Variants in ZRANB3 observed in about 807,000 individuals in gnomAD.
ZRANB3 encodes the protein zinc finger RANBP2-type containing 3.
A neutral mutation model predicts 133.8 loss-of-function variants in ZRANB3; 125 were observed. The observed-to-expected ratio is 0.93, with a 90% confidence interval of 0.81 to 1.08. The LOEUF is 1.08. ZRANB3 is among the 50% of genes least tolerant of loss of function. ZRANB3 has a pLI of 0.00. For synonymous variants in ZRANB3, 387 were observed against 432.7 expected (o/e 0.89, Z 1.31); for missense variants, 1,229 against 1,275.5 (o/e 0.96, Z 0.56).
chr2:135,447,675 T>C (rs530954603), intron 2 of ZRANB3, among the ~76,000 whole-genome samples: 2 of 152,334 alleles, frequency 1.3e-5, no homozygotes, highest in South Asian at 4.1e-4. Context: ...AAAAATCAGC[T>C]GCTAGGTCCA....
intron 12 of ZRANB3, among the ~76,000 whole-genome samples, chr2:135,248,986 G>A (rs1302452017): frequency 2.0e-5 from 3 of 152,166 alleles, no homozygotes; most frequent in African/African-American, 7.2e-5. Context: ...CGGCCAACAA[G>A]TATATGAAGA....
At chr2:135,404,514 T>G (rs929152495) in intron 2 of ZRANB3, among the ~76,000 whole-genome samples, 6 of 152,148 alleles carry the variant, frequency 3.9e-5, no homozygotes, top group Admixed American at 6.5e-5. Flanking sequence ...GGAACCAAGT[T>G]GGAAAACACT....
In ZRANB3 at chr2:135,197,820, G is replaced by A. The variant is rs1693468043; in HGVS notation, c.*2522C>T. The A allele has an allele frequency of 6.6e-6, 1 of 152,312 alleles. No homozygotes were observed. 9.4% of individuals were successfully genotyped at this position (152,312 alleles called of 1,614,324 possible). On this transcript the variant is annotated 3_prime_UTR_variant, in exon 21 of 21. Transcript: ENST00000264159. The stretch of plus-strand genomic sequence containing the variant: ...TACCACTTCCCAGCTCTGTTCCCTG[G>A]ACCCAGAGCCTTTTTTCTTTTTTGA...
chr2:135,500,026 GA>G (rs1692864404), intron 2 of ZRANB3, among the ~76,000 whole-genome samples: 1 of 152,202 alleles, frequency 6.6e-6, no homozygotes, highest in East Asian at 1.9e-4. Flanking sequence ...GAAATAGGAA[GA>G]AAACAGTAGC....
intron 3 of ZRANB3, among the ~76,000 whole-genome samples, chr2:135,382,045 G>A (rs565087916): frequency 1.1e-4 from 17 of 152,198 alleles, no homozygotes; most frequent in African/African-American, 3.6e-4. Flanking sequence ...AAACTTCTTC[G>A]AGCTAAAGGA....
chr2:135,495,575 AAT>A (rs1299826042), intron 2 of ZRANB3, among the ~76,000 whole-genome samples: 4 of 152,220 alleles, frequency 2.6e-5, no homozygotes, highest in Non-Finnish European at 5.9e-5. Context: ...AAATGTTAAA[AAT>A]ATGTGACTCT....
At chr2:135,397,095 G>C (rs1687525516) in intron 2 of ZRANB3, among the ~76,000 whole-genome samples, 1 of 151,758 alleles carries the variant, frequency 6.6e-6, no homozygotes, top group African/African-American at 2.4e-5. Context: ...ATGCTACTGT[G>C]CTCCAGCCTG....
chr2:135,378,737 G>A (rs532966096), intron 3 of ZRANB3, among the ~76,000 whole-genome samples: 1 of 152,176 alleles, frequency 6.6e-6, no homozygotes, highest in South Asian at 2.1e-4. Flanking sequence ...TCACCTCTAT[G>A]GTCTTCCCCC....
intron 12 of ZRANB3, among the ~76,000 whole-genome samples, chr2:135,257,352 C>CT (rs1443945898): frequency 6.6e-6 from 1 of 152,106 alleles, no homozygotes; most frequent in Admixed American, 6.5e-5. Context: ...CAATTTATAA[C>CT]TTTTTTTGGT....
rs564025048 is a variant in ZRANB3 at position 135,461,298 on chromosome 2, G to A, written c.161+43031C>T. On this transcript the variant is annotated intron_variant, in intron 2 of 20. Transcript: ENST00000264159. ...CTTTAAGATAAATCTGGCCAGGCACGGTGGCTCACGCCTGTAATCCCAGCA... is the reference window on the plus strand; with the variant it reads ...CTTTAAGATAAATCTGGCCAGGCACAGTGGCTCACGCCTGTAATCCCAGCA... 2.9e-4 allele frequency among the ~76,000 whole-genome samples: 44 copies of A among 152,274 alleles called. No homozygotes were observed. The East Asian group carries it at 7.9e-3, about 27-fold the overall frequency.
intron 15 of ZRANB3, among the ~76,000 whole-genome samples, chr2:135,221,869 C>T (rs1694568655): frequency 6.6e-6 from 1 of 152,160 alleles, no homozygotes; most frequent in African/African-American, 2.4e-5. Context: ...GTGTCTCTCT[C>T]TCAGTTATTG....
chr2:135,241,106 T>C (rs1695530186), intron 12 of ZRANB3, among the ~76,000 whole-genome samples: 1 of 152,216 alleles, frequency 6.6e-6, no homozygotes, highest in African/African-American at 2.4e-5. Context: ...TGAATACTAT[T>C]ATCTTTAGCT....
At chr2:135,219,537 T>G (rs557894796) in intron 15 of ZRANB3, among the ~76,000 whole-genome samples, 1 of 152,252 alleles carries the variant, frequency 6.6e-6, no homozygotes, top group Non-Finnish European at 1.5e-5. Context: ...TATAGAAGAA[T>G]ATTACATCCT....
chr2:135,255,154 G>A (rs923164074), intron 12 of ZRANB3, among the ~76,000 whole-genome samples: 1 of 151,968 alleles, frequency 6.6e-6, no homozygotes, highest in African/African-American at 2.4e-5. Flanking sequence ...CCTACACTAG[G>A]ACCCAAAAGA....
intron 6 of ZRANB3, among the ~76,000 whole-genome samples, chr2:135,339,120 A>T (rs76583712): frequency 9.2e-5 from 14 of 152,212 alleles, no homozygotes; most frequent in South Asian, 4.1e-4. Flanking sequence ...ACAAAAAAAA[A>T]TTTTTTAATT....
Position 135,219,136 on chromosome 2 carries a change from T to G in ZRANB3, c.2293A>C (p.Lys765Gln), listed in dbSNP as rs1390261116. The change falls in exon 16 of 21, where the codon AAA (lysine) becomes CAA (glutamine). Residue 765 changes from lysine (K) to glutamine (Q), a missense_variant. Transcript: ENST00000264159. Reference protein sequence around the residue: ...MSCNFIPLDIKLDLWEDLPAS... With the variant: ...MSCNFIPLDIQLDLWEDLPAS... The stretch of plus-strand genomic sequence containing the variant: ...GGTAAATCTTCCCAAAGGTCTAATT[T>G]TATATCCAGAGGAATGAAATTACAG... 1 of 1,542,294 alleles carries G rather than the reference T, an allele frequency of 6.5e-7. No homozygotes were observed.
In ZRANB3 at chr2:135,269,097, C is replaced by T; in HGVS notation, c.1251G>A (p.Leu417=). Residue 417 remains leucine (L), a synonymous_variant, in exon 11 of 21, where the codon TTG becomes TTA. Coordinates refer to ENST00000264159, the MANE Select transcript of ZRANB3 (RefSeq NM_032143.4). ...GTTTTATATGTCCAGGGTCCCAGTA[C>T]AACTCAGCAAATACAACATGACTTG... The part of the protein sequence containing the change: ...TAASHVVFAE[L]YWDPGHIKQA... 1 of 1,608,826 alleles carries T rather than the reference C, an allele frequency of 6.2e-7. No homozygotes were observed. Among genetic ancestry groups the T allele is most frequent in the South Asian group, 1.1e-5 (1 of 89,688 alleles).
At chr2:135,418,621 G>A (rs1688693579) in intron 2 of ZRANB3, among the ~76,000 whole-genome samples, 2 of 152,192 alleles carry the variant, frequency 1.3e-5, no homozygotes, top group African/African-American at 2.4e-5. Flanking sequence ...TTATATATGG[G>A]TGGTACTTAA....
Position 135,525,692 on chromosome 2 carries a change from A to T in ZRANB3, c.-8+5435T>A, listed in dbSNP as rs1029037951. On this transcript the variant is annotated intron_variant, in intron 1 of 20. Transcript: ENST00000264159. ...GCGAAACCCCGTCTCTATTAAAAAT[A>T]AAAAAATTAGCCGGTCATGGTGGTG... Among the ~76,000 whole-genome samples the T allele has an allele frequency of 2.6e-5, 4 of 152,156 alleles. No individual in the cohort carries two copies. The East Asian group carries it at 7.8e-4, about 30-fold the overall frequency.
Sources: gnomAD v4.1 joint callset for allele counts (sites outside exome capture counted in the v4.1 genomes callset) on GRCh38, gnomAD v4.1.1 for gene constraint, MANE v1.5 for transcripts, NCBI Gene and HGNC (gene_info 2026-07-23, HGNC 2026-07-21) for gene names.